SLC46A3: variants seen among roughly 807,000 people sequenced by gnomAD.
SLC46A3 encodes the protein lysosomal proton-coupled steroid conjugate and bile acid symporter SLC46A3.
SLC46A3 carries 26 observed loss-of-function variants against 38.5 expected under a neutral mutation model. The observed-to-expected ratio is 0.68, with a 90% CI of 0.49 to 0.94. SLC46A3 has a LOEUF of 0.94. SLC46A3 is among the 40% of genes least tolerant of loss of function. The pLI is 0.00. For synonymous variants in SLC46A3, 185 were observed against 192.5 expected, an observed-to-expected ratio of 0.96 and a Z score of 0.32; for missense variants, 510 against 544.3, an observed-to-expected ratio of 0.94 and a Z score of 0.63.
intron 3 of SLC46A3, among the ~76,000 whole-genome samples, chr13:28,711,609 C>G (rs1010438645): frequency 6.6e-6 from 1 of 152,132 alleles, no homozygotes; most frequent in Non-Finnish European, 1.5e-5. Context: ...TCTTTATCAT[C>G]TTGCCTGTTC....
rs1884977099 is a variant in SLC46A3 at position 28,700,218 on chromosome 13, T to G, written c.*1279A>C. On this transcript the variant is annotated 3_prime_UTR_variant, in exon 6 of 6. Transcript: ENST00000266943. ...GGATCGAAGTGCACACAAAGAGCTA[T>G]GGAAGCCCTGTAGGGACTGGGGAGT... is the stretch of plus-strand genomic sequence containing the variant. The G allele has an allele frequency of 6.6e-6, 1 of 152,142 alleles. No homozygotes were observed. The highest frequency in any genetic ancestry group is 2.4e-5 in the African/African-American group (1 of 41,428). The allele number at this position is 152,142 out of a possible 1,614,324, so 9.4% of individuals were successfully genotyped here.
In SLC46A3 at chr13:28,700,858, A is replaced by G; in HGVS notation, c.*639T>C. On this transcript the variant is annotated 3_prime_UTR_variant, in exon 6 of 6. Transcript: ENST00000266943. Reference sequence around the variant, plus strand: ...TATTCTTTAAAGTGCCTCCCTTTTAAGGATTTTGTATCAACAAAGCACTGA... The same window carrying G: ...TATTCTTTAAAGTGCCTCCCTTTTAGGGATTTTGTATCAACAAAGCACTGA... 9.9e-7 allele frequency: 1 copy of G among 1,008,578 alleles called. No individual in the cohort carries two copies. Among genetic ancestry groups the G allele is most frequent in the South Asian group, 1.7e-5 (1 of 59,966 alleles). The allele number at this position is 1,008,578 out of a possible 1,614,324, so 62.5% of individuals were successfully genotyped here.
Position 28,718,286 on chromosome 13 carries a change from C to T in SLC46A3, c.-25+210G>A, listed in dbSNP as rs1472021716. Among the ~76,000 whole-genome samples, 3 of 152,330 alleles carry T rather than the reference C, an allele frequency of 2.0e-5. No homozygotes were observed. In the East Asian group the frequency reaches 5.8e-4, roughly 29 times the overall value. On this transcript the variant is annotated intron_variant, in intron 1 of 5. Transcript: ENST00000266943. The stretch of plus-strand genomic sequence containing the variant: ...GCCTTTGAGTCTTTGAAATCATAAA[C>T]TGTCACCCATCTTGGTTAGCCAATG...
intron 2 of SLC46A3, among the ~76,000 whole-genome samples, chr13:28,714,781 G>A (rs749910409): frequency 6.6e-6 from 1 of 152,090 alleles, no homozygotes; most frequent in Non-Finnish European, 1.5e-5. Flanking sequence ...AATAAAGGTG[G>A]TAGTATGTCA....
chr13:28,716,033 G>A (rs1314400940), intron 2 of SLC46A3, among the ~76,000 whole-genome samples: 1 of 151,198 alleles, frequency 6.6e-6, no homozygotes, highest in African/African-American at 2.4e-5. Flanking sequence ...CGTGCCTGTA[G>A]TCCCAGCTAC....
At chr13:28,718,343 C>A (rs1302498279) in intron 1 of SLC46A3, among the ~76,000 whole-genome samples, 153 bp downstream of exon 1, 1 of 152,198 alleles carries the variant, frequency 6.6e-6, no homozygotes, top group Non-Finnish European at 1.5e-5. Flanking sequence ...TGTATATTGC[C>A]AACTGATTTT....
rs1884983621 is a variant in SLC46A3 at position 28,700,429 on chromosome 13, T to C, written c.*1068A>G. On this transcript the variant is annotated 3_prime_UTR_variant, in exon 6 of 6. Coordinates refer to ENST00000266943, the MANE Select transcript of SLC46A3 (RefSeq NM_181785.4). ...AGGATGAGCGTAAGGCAGTAAGAAA[T>C]GAGATGGGAAGGAGTCAAATCATGA... The C allele has an allele frequency of 6.5e-6, 1 of 153,384 alleles. No homozygotes were observed. Among genetic ancestry groups the C allele is most frequent in the African/African-American group, 2.4e-5 (1 of 41,426 alleles). 9.5% of individuals were successfully genotyped at this position (153,384 alleles called of 1,614,324 possible). A position where few individuals can be genotyped will look rare whatever the true frequency, so the allele number is the denominator to read the frequency against.
Position 28,713,268 on chromosome 13 carries a change from G to A in SLC46A3, c.472C>T (p.Gln158Ter). The change falls in exon 3 of 6, where the codon CAG becomes TAG. Residue 158 changes from glutamine (Q) to a stop codon, truncating the protein, a stop_gained. Transcript: ENST00000266943. LOFTEE classifies it high-confidence loss of function. The part of the protein sequence containing the change: ...WGACFAYIVD[Q>*]CKEHKQKTIR... ...GTTTTTTGTTTGTGTTCTTTACACT[G>A]ATCAACTATATAGGCAAAGCAAGCT... 1.9e-6 allele frequency: 3 copies of A among 1,613,934 alleles called. No homozygotes were observed. Among genetic ancestry groups the A allele is most frequent in the East Asian group, 4.5e-5 (2 of 44,878 alleles).
In SLC46A3 at chr13:28,713,337, T is replaced by C. The variant is rs891224696; in HGVS notation, c.403A>G (p.Thr135Ala). The change falls in exon 3 of 6, where the codon ACC becomes GCC. Residue 135 changes from threonine to alanine, a missense_variant. By Grantham distance (58) the Thr-to-Ala change is moderately conservative (BLOSUM62 0). Coordinates refer to ENST00000266943, the MANE Select transcript of SLC46A3 (RefSeq NM_181785.4). ...TTGCCACAAAATGCACCAATGAAGG[T>C]AGATGCAATCAAAAGCTGGAATGGA... Reference protein sequence around the residue: ...AFPFQLLIASTFIGAFCGNYT... With the variant: ...AFPFQLLIASAFIGAFCGNYT... 2 of 1,613,874 alleles carry C rather than the reference T, an allele frequency of 1.2e-6. No individual in the cohort carries two copies. Among genetic ancestry groups the C allele is most frequent in the Non-Finnish European group, 1.7e-6 (2 of 1,180,010 alleles).
intron 2 of SLC46A3, among the ~76,000 whole-genome samples, chr13:28,716,410 G>C (rs1885528231): frequency 6.6e-6 from 1 of 151,990 alleles, no homozygotes; most frequent in African/African-American, 2.4e-5. Context: ...GAGAGACTCT[G>C]GGCTTCTCGG....
rs188115750 is a variant in SLC46A3, at chr13:28,709,884, C to T, written c.1144+876G>A. On this transcript the variant is annotated intron_variant, in intron 4 of 5. Coordinates refer to ENST00000266943, the MANE Select transcript of SLC46A3 (RefSeq NM_181785.4). ...TGATTGAACCAGCTGAGTGGGGCCC[C>T]GTTTTCTGCCAGGACTCTGAGTCAG... Among the ~76,000 whole-genome samples, 176 of 152,238 alleles carry T rather than the reference C, an allele frequency of 1.2e-3. 2 individuals carry two copies. Among genetic ancestry groups the T allele is most frequent in the East Asian group, 3.9e-3 (20 of 5,184 alleles).
chr13:28,716,274 A>G (rs539809669), intron 2 of SLC46A3, among the ~76,000 whole-genome samples: 74 of 152,274 alleles, frequency 4.9e-4, no homozygotes, highest in African/African-American at 1.7e-3. Flanking sequence ...ATGGGATTCA[A>G]GTATGTATAT....
At chr13:28,706,529 C>T (rs1270566204) in intron 4 of SLC46A3, among the ~76,000 whole-genome samples, 2 of 152,090 alleles carry the variant, frequency 1.3e-5, no homozygotes, top group African/African-American at 2.4e-5. Context: ...AAAATGTAAA[C>T]ATTTTAAAAT....
chr13:28,713,559 A>C lies in SLC46A3; in HGVS notation c.190-9T>G, dbSNP rs1013045749. 6.3e-7 allele frequency: 1 copy of C among 1,596,790 alleles called. No individual in the cohort carries two copies. Among genetic ancestry groups the C allele is most frequent in the Non-Finnish European group, 8.5e-7 (1 of 1,170,124 alleles). The stretch of plus-strand genomic sequence containing the variant: ...ACTTTTTTCTGAACTTCCTGCAAAG[A>C]AATATAAAGAAGACAATGTGTTTAC... On this transcript the variant is annotated splice_polypyrimidine_tract_variant and intron_variant, in intron 2 of 5. Transcript: ENST00000266943.
chr13:28,705,875 AG>A (rs1217279532), intron 4 of SLC46A3, among the ~76,000 whole-genome samples: 1 of 152,192 alleles, frequency 6.6e-6, no homozygotes, highest in African/African-American at 2.4e-5. Context: ...GCACAGTACT[AG>A]TTCTATTATG....
intron 2 of SLC46A3, among the ~76,000 whole-genome samples, chr13:28,716,600 C>CA (rs1555260640): frequency 6.6e-6 from 1 of 151,220 alleles, no homozygotes; most frequent in Non-Finnish European, 1.5e-5. Context: ...ACTCAGGGCC[C>CA]TTTTTTTTTA....
At chr13:28,709,627 C>G (rs2137830545) in intron 4 of SLC46A3, among the ~76,000 whole-genome samples, 1 of 152,326 alleles carries the variant, frequency 6.6e-6, no homozygotes, top group Non-Finnish European at 1.5e-5. Context: ...TGGTTATTCT[C>G]TGCCTGCCCC....
At position 28,706,784 on chromosome 13, in the gene SLC46A3, C is replaced by A. The variant is rs374161980; in HGVS notation, c.1145-2685G>T. Among the ~76,000 whole-genome samples the A allele has an allele frequency of 7.2e-5, 11 of 152,204 alleles. No individual in the cohort carries two copies. In the South Asian group the frequency reaches 2.3e-3, roughly 32 times the overall value. ...CAAAAGAAGACATTTATGCAGCCAA[C>A]AGACACATGAAAAAATGCTCATCAT... On this transcript the variant is annotated intron_variant, in intron 4 of 5. Coordinates refer to ENST00000266943, the MANE Select transcript of SLC46A3 (RefSeq NM_181785.4).
intron 3 of SLC46A3, among the ~76,000 whole-genome samples, chr13:28,711,141 C>T (rs1185859917): frequency 6.6e-6 from 1 of 152,128 alleles, no homozygotes; most frequent in Admixed American, 6.5e-5. Flanking sequence ...GACTGATCTG[C>T]TGGCCGGGCG....
Sources: gnomAD v4.1 joint callset for allele counts (sites outside exome capture counted in the v4.1 genomes callset) on GRCh38, gnomAD v4.1.1 for gene constraint, MANE v1.5 for transcripts, NCBI Gene and HGNC (gene_info 2026-07-23, HGNC 2026-07-21) for gene names.